CFI: variants seen among roughly 807,000 people sequenced by gnomAD.
The protein encoded by CFI is complement factor I, also known as C3B/C4B inactivator.
CFI carries 66 observed loss-of-function variants against 78.8 expected under a neutral mutation model. The observed-to-expected ratio is 0.84, with a 90% CI of 0.69 to 1.03. The LOEUF (loss-of-function observed/expected upper bound fraction) is 1.03, where lower values mean the gene tolerates loss of function less well. Ranked by LOEUF, CFI falls within the 50% of genes least tolerant of loss-of-function variation. The pLI, the probability that CFI is intolerant of heterozygous loss-of-function variation, is 0.00. For missense variants in CFI, 706 were observed against 704.5 expected, an observed-to-expected ratio of 1.00 and a Z score of -0.02; for synonymous variants, 250 against 232.6, an observed-to-expected ratio of 1.07 and a Z score of -0.68.
chr4:109,796,780 G>A (rs913153954), intron 1 of CFI, among the ~76,000 whole-genome samples: 4 of 152,218 alleles, frequency 2.6e-5, no homozygotes, highest in South Asian at 2.1e-4. Flanking sequence ...CTGGGCAACA[G>A]TGCAAAACCC....
At chr4:109,740,042 C>T (rs1449722625), downstream of CFI, among the ~76,000 whole-genome samples, 1 of 152,110 alleles carries the variant, frequency 6.6e-6, no homozygotes, top group African/African-American at 2.4e-5. Flanking sequence ...GCATGTTATC[C>T]CAGCACTTTG....
rs1336453366 is a variant in CFI, at chr4:109,741,037, A to T, written c.1608T>A (p.Asn536Lys). 6.2e-7 allele frequency: 1 copy of T among 1,614,230 alleles called. No individual in the cohort carries two copies. The highest frequency in any genetic ancestry group is 1.1e-5 in the South Asian group (1 of 91,090). ...GGPLVCMDAN[N>K]VTYVWGVVSW... ...TCACAACACCCCAGACATAAGTCAC[A>T]TTGTTGGCATCCATACAGACTAAGG... The change falls in exon 13 of 13, where the codon AAT becomes AAA. Residue 536 changes from asparagine to lysine, a missense_variant. Transcript: ENST00000394634.
intron 10 of CFI, 68 bp downstream of exon 10, chr4:109,749,150 T>C (rs1724824821): frequency 7.6e-7 from 1 of 1,323,230 alleles, no homozygotes; most frequent in Non-Finnish European, 1.1e-6. Context: ...CTTTATCATC[T>C]GCCACAATCT....
intron 1 of CFI, among the ~76,000 whole-genome samples, chr4:109,796,479 A>G (rs984189464): frequency 6.6e-6 from 1 of 152,254 alleles, no homozygotes; most frequent in African/African-American, 2.4e-5. Context: ...CTATACATCA[A>G]TAATGAACTG....
At chr4:109,796,350 A>T (rs1553919078) in intron 1 of CFI, among the ~76,000 whole-genome samples, 1 of 152,256 alleles carries the variant, frequency 6.6e-6, no homozygotes, top group Non-Finnish European at 1.5e-5. Flanking sequence ...AACAGGAAAT[A>T]CATCACCTGC....
At chr4:109,735,077 G>A in the CFI span, among the ~76,000 whole-genome samples, 17 of 152,146 alleles carry the variant, frequency 1.1e-4, no homozygotes, top group Middle Eastern at 3.4e-3. Flanking sequence ...TCAGCCTCCT[G>A]AGTAGCTAGG....
the CFI span, among the ~76,000 whole-genome samples, chr4:109,732,062 A>G: frequency 6.6e-6 from 1 of 152,208 alleles, no homozygotes; most frequent in African/African-American, 2.4e-5. Flanking sequence ...AGACTTTCAA[A>G]AGAAAGGATA....
intron 3 of CFI, 26 bp from the exon 4 acceptor site, chr4:109,761,718 A>G (rs923321970): frequency 1.9e-6 from 3 of 1,573,280 alleles, no homozygotes; most frequent in Admixed American, 3.3e-5. Context: ...AGGAAACATT[A>G]TGGTAGAATA....
intron 8 of CFI, among the ~76,000 whole-genome samples, chr4:109,750,392 G>A (rs1725004428): frequency 6.6e-6 from 1 of 152,044 alleles, no homozygotes; most frequent in South Asian, 2.1e-4. Flanking sequence ...CTATATGTCA[G>A]GCCCCATACT....
chr4:109,742,979 A>G (rs1051139257), intron 11 of CFI, among the ~76,000 whole-genome samples: 3 of 152,222 alleles, frequency 2.0e-5, no homozygotes, highest in Non-Finnish European at 2.9e-5. Context: ...AATGTTTGTT[A>G]AAGCAAAAAC....
At chr4:109,796,294 T>A (rs996894084) in intron 1 of CFI, among the ~76,000 whole-genome samples, 1 of 151,962 alleles carries the variant, frequency 6.6e-6, no homozygotes, top group Admixed American at 6.6e-5. Context: ...AGAAAAACTA[T>A]CCTCTAAAAA....
intron 11 of CFI, among the ~76,000 whole-genome samples, chr4:109,744,848 T>C (rs1724221520): frequency 6.6e-6 from 1 of 152,174 alleles, no homozygotes; most frequent in Non-Finnish European, 1.5e-5. Context: ...AAGGGTTTAT[T>C]ATACTTTAAT....
chr4:109,748,696 C>G (rs6533453), intron 10 of CFI, among the ~76,000 whole-genome samples: 1 of 151,938 alleles, frequency 6.6e-6, no homozygotes, highest in African/African-American at 2.4e-5. Context: ...GAACAGGGAG[C>G]AGGAGGTGGC....
intron 1 of CFI, among the ~76,000 whole-genome samples, chr4:109,782,959 A>G (rs1730253458): frequency 6.6e-6 from 1 of 152,308 alleles, no homozygotes; most frequent in East Asian, 1.9e-4. Context: ...TGGTACTGGG[A>G]TAATTGGCTA....
chr4:109,748,041 T>A (rs1329183494), intron 10 of CFI, among the ~76,000 whole-genome samples: 1 of 152,112 alleles, frequency 6.6e-6, no homozygotes, highest in Non-Finnish European at 1.5e-5. Context: ...AGGGGTAGAG[T>A]ATCCCTGATC....
intron 1 of CFI, among the ~76,000 whole-genome samples, chr4:109,789,287 A>G (rs1731092018): frequency 6.6e-6 from 1 of 152,050 alleles, no homozygotes; most frequent in Non-Finnish European, 1.5e-5. Flanking sequence ...ATATTTGAAG[A>G]AATAATGGCT....
intron 1 of CFI, among the ~76,000 whole-genome samples, chr4:109,779,337 G>T (rs1293425456): frequency 6.6e-6 from 1 of 151,834 alleles, no homozygotes; most frequent in Admixed American, 6.6e-5. Flanking sequence ...TATACACCAA[G>T]AACAGACGCA....
At chr4:109,736,643 C>T (rs1723386163), downstream of CFI, among the ~76,000 whole-genome samples, 1 of 152,108 alleles carries the variant, frequency 6.6e-6, no homozygotes. Context: ...TTCAAGGTAT[C>T]TTTGTATGCA....
At chr4:109,741,993 A>G in intron 12 of CFI, 1 of 160,302 alleles carries the variant, frequency 6.2e-6, no homozygotes, top group Non-Finnish European at 1.4e-5. Context: ...TGGAGGGAAA[A>G]ATTTACTTCC....
Sources: allele counts gnomAD v4.1 joint callset (sites outside exome capture counted in the v4.1 genomes callset), GRCh38; gene constraint gnomAD v4.1.1; transcripts MANE v1.5; gene names NCBI Gene and HGNC (gene_info 2026-07-23, HGNC 2026-07-21).